CELF2: variants seen among roughly 807,000 people sequenced by gnomAD.
CELF2 encodes the protein CUG triplet repeat RNA-binding protein 2.
CELF2 carries 8 observed loss-of-function variants against 62.6 expected under a neutral mutation model. That is an observed-to-expected ratio of 0.13 (90% CI 0.07 to 0.23). CELF2 has a LOEUF of 0.23. Among genes scored for constraint, CELF2 ranks in the 10% least tolerant of loss-of-function variants. CELF2 has a pLI of 1.00. For missense variants in CELF2, 333 were observed against 671.0 expected, an observed-to-expected ratio of 0.50 and a Z score of 5.56; for synonymous variants, 258 against 250.0, an observed-to-expected ratio of 1.03 and a Z score of -0.30.
At chr10:11,061,266 A>G (rs1175648533) in intron 1 of CELF2, among the ~76,000 whole-genome samples, 1 of 152,232 alleles carries the variant, frequency 6.6e-6, no homozygotes, top group Non-Finnish European at 1.5e-5. Context: ...TAGAAAATCA[A>G]ATGAGCCACA....
At chr10:11,292,981 G>A (rs1418170814) in intron 9 of CELF2, among the ~76,000 whole-genome samples, 1 of 152,152 alleles carries the variant, frequency 6.6e-6, no homozygotes, top group Non-Finnish European at 1.5e-5. Flanking sequence ...CCTTCCCTCT[G>A]TCTGTCTTAC....
the CELF2 span, among the ~76,000 whole-genome samples, chr10:10,701,696 C>T: frequency 2.6e-5 from 4 of 152,302 alleles, no homozygotes; most frequent in East Asian, 5.8e-4. Flanking sequence ...GAAGCAGAGA[C>T]CAGTGGCAAA....
chr10:10,487,575 G>A, the CELF2 span, among the ~76,000 whole-genome samples: 1 of 151,902 alleles, frequency 6.6e-6, no homozygotes. Context: ...TTACAATATC[G>A]CCTGTGAAAA....
chr10:11,200,598 G>A (rs1214713660), intron 2 of CELF2, among the ~76,000 whole-genome samples: 1 of 152,224 alleles, frequency 6.6e-6, no homozygotes, highest in African/African-American at 2.4e-5. Context: ...GGAACATGGT[G>A]CAGGGTCTCC....
At chr10:10,608,634 T>C in the CELF2 span, among the ~76,000 whole-genome samples, 5 of 152,166 alleles carry the variant, frequency 3.3e-5, no homozygotes, top group Middle Eastern at 3.4e-3. Flanking sequence ...TGAAAGCAAA[T>C]GAGGCCTGAC....
At chr10:11,264,025 C>T (rs1280284516) in intron 5 of CELF2, among the ~76,000 whole-genome samples, 1 of 152,094 alleles carries the variant, frequency 6.6e-6, no homozygotes, top group African/African-American at 2.4e-5. Context: ...GACAGAAACC[C>T]CTAAGGAGAC....
At chr10:10,528,030 C>A in the CELF2 span, among the ~76,000 whole-genome samples, 1 of 152,182 alleles carries the variant, frequency 6.6e-6, no homozygotes, top group Non-Finnish European at 1.5e-5. Context: ...AAATGACCTA[C>A]CCTCAGATAA....
chr10:10,675,697 A>T, the CELF2 span, among the ~76,000 whole-genome samples: 1 of 151,654 alleles, frequency 6.6e-6, no homozygotes, highest in South Asian at 2.1e-4. Flanking sequence ...TTTTATTAAG[A>T]TATTCTCAAA....
At chr10:10,701,225 A>T in the CELF2 span, among the ~76,000 whole-genome samples, 1 of 152,252 alleles carries the variant, frequency 6.6e-6, no homozygotes, top group Non-Finnish European at 1.5e-5. Context: ...GCCTAGGCAG[A>T]GGCTAATGCC....
rs2132940505 is a variant in CELF2 at position 11,331,759 on chromosome 10, C to CA, written c.*2707dup. 6.5e-6 allele frequency: 1 copy of CA among 152,748 alleles called. No individual in the cohort carries two copies. The highest frequency in any genetic ancestry group is 2.4e-5 in the African/African-American group (1 of 41,576). 9.5% of individuals were successfully genotyped at this position (152,748 alleles called of 1,614,324 possible). A position where few individuals can be genotyped will look rare whatever the true frequency, so the allele number is the denominator to read the frequency against. On this transcript the variant is annotated 3_prime_UTR_variant, in exon 13 of 13. Coordinates refer to ENST00000633077, the MANE Select transcript of CELF2 (RefSeq NM_001326342.2). Reference sequence around the variant, plus strand: ...ATGTCCCACTTTTTTAACCACTCCGCACATCAGTGCTGTGAAGGCAACCTC... The same window carrying CA: ...ATGTCCCACTTTTTTAACCACTCCGCAACATCAGTGCTGTGAAGGCAACCTC...
chr10:11,141,124 T>C (rs932605322), intron 1 of CELF2, among the ~76,000 whole-genome samples: 1 of 152,232 alleles, frequency 6.6e-6, no homozygotes, highest in African/African-American at 2.4e-5. Flanking sequence ...GGTCTGAGAA[T>C]GAAACTCTGA....
Position 10,866,553 on chromosome 10 carries a change from C to T in CELF2, c.54-53411C>T, listed in dbSNP as rs145645988. 8.0e-3 allele frequency among the ~76,000 whole-genome samples: 1,099 copies of T among 138,170 alleles called. 15 individuals are homozygous for T. Among genetic ancestry groups the T allele is most frequent in the African/African-American group, 0.029 (1,044 of 36,218 alleles). 90.6% of individuals were successfully genotyped at this position (138,170 alleles called of 152,430 possible). A position where few individuals can be genotyped will look rare whatever the true frequency, so the allele number is the denominator to read the frequency against. ...CCGAGAGGTGGAGGTTGCAGTGAGC[C>T]GAAATCGTGCCACTGCACTCCAGTC... On this transcript the variant is annotated intron_variant, in intron 1 of 13. Coordinates refer to the CELF2 transcript ENST00000636488.
chr10:10,878,185 A>G (rs1323396162), intron 1 of CELF2, among the ~76,000 whole-genome samples: 1 of 152,150 alleles, frequency 6.6e-6, no homozygotes, highest in Non-Finnish European at 1.5e-5. Flanking sequence ...GATCCCATCT[A>G]TTAGATGACT....
rs561224069 is a variant in CELF2, at chr10:11,267,327, A to G, written c.618+650A>G. On this transcript the variant is annotated intron_variant, in intron 6 of 12. Transcript: ENST00000633077. The surrounding 1 kb of genome is among the most constrained non-coding windows in gnomAD (Gnocchi z 4.4). Reference sequence around the variant, plus strand: ...AGAGATCATGGCTTTAGGGGAAGGTAAACACCCTGGTGTGGATGCACACCC... The same window carrying G: ...AGAGATCATGGCTTTAGGGGAAGGTGAACACCCTGGTGTGGATGCACACCC... Among the ~76,000 whole-genome samples, 73 of 152,356 alleles carry G rather than the reference A, an allele frequency of 4.8e-4. No homozygotes were observed. In the South Asian group the frequency reaches 0.014, roughly 29 times the overall value.
chr10:10,617,363 T>C, the CELF2 span, among the ~76,000 whole-genome samples: 1 of 152,162 alleles, frequency 6.6e-6, no homozygotes, highest in Non-Finnish European at 1.5e-5. Context: ...TGAAGCCAGC[T>C]GGGCACAAGA....
chr10:10,627,773 C>T, the CELF2 span, among the ~76,000 whole-genome samples: 1 of 152,226 alleles, frequency 6.6e-6, no homozygotes, highest in Non-Finnish European at 1.5e-5. Context: ...AAACTTTCTA[C>T]ATAGCCTCTT....
At chr10:11,090,036 G>A (rs921030387) in intron 1 of CELF2, among the ~76,000 whole-genome samples, 2 of 152,140 alleles carry the variant, frequency 1.3e-5, no homozygotes, top group Non-Finnish European at 2.9e-5. Flanking sequence ...TTGGGAGGAA[G>A]GGAAGGGGAC....
intron 2 of CELF2, among the ~76,000 whole-genome samples, chr10:10,991,249 C>T (rs541239984): frequency 6.6e-6 from 1 of 152,250 alleles, no homozygotes; most frequent in African/African-American, 2.4e-5. Flanking sequence ...TATGTGTGTG[C>T]TGTTTGTTCA....
chr10:10,626,791 A>G, the CELF2 span, among the ~76,000 whole-genome samples: 1 of 152,222 alleles, frequency 6.6e-6, no homozygotes, highest in African/African-American at 2.4e-5. Context: ...AATCCTGAAA[A>G]TGAATCCTTA....
Sources: allele counts gnomAD v4.1 joint callset (sites outside exome capture counted in the v4.1 genomes callset), GRCh38; gene constraint gnomAD v4.1.1; non-coding constraint Gnocchi (gnomAD v3.1); transcripts MANE v1.5; gene names NCBI Gene and HGNC (gene_info 2026-07-23, HGNC 2026-07-21).